The following SEPTIN6 variants were observed in gnomAD, a reference collection of about 807,000 sequenced individuals.
SEPTIN6 encodes septin-6.
SEPTIN6 carries 8 observed loss-of-function variants against 33.6 expected under a neutral mutation model. The ratio of observed to expected loss-of-function variants is 0.24; its 90% CI spans 0.14 to 0.43. The LOEUF (loss-of-function observed/expected upper bound fraction) is 0.43. Ranked by LOEUF, SEPTIN6 falls within the 20% of genes least tolerant of loss-of-function variation. The pLI is 1.00. For missense variants in SEPTIN6, 250 were observed against 340.8 expected (o/e 0.73, Z 2.10); for synonymous variants, 131 against 140.0 (o/e 0.94, Z 0.45).
Position 119,689,448 on chromosome X carries a change from T to C in SEPTIN6, c.30+3628A>G, listed in dbSNP as rs776480935. On this transcript the variant is annotated intron_variant, in intron 1 of 10. Transcript: ENST00000394610. ...ATTATTTCACAGTGTCCACAATTTG[T>C]CATTCCAACTAGACTATAAGCTTAA... Among the ~76,000 whole-genome samples, 4 of 112,342 alleles carry C rather than the reference T, an allele frequency of 3.6e-5. No individual in the cohort carries two copies. The East Asian group carries it at 1.1e-3, about 31-fold the overall frequency.
chrX:119,643,397 G>GA (rs369455842), intron 5 of SEPTIN6, among the ~76,000 whole-genome samples: 3,982 of 104,431 alleles, frequency 0.038, 55 homozygotes, highest in South Asian at 0.058. Context: ...TGAGCTCGAG[G>GA]AAAAAAAAAA....
rs28620630 is a variant in SEPTIN6, at chrX:119,630,957, G to A, written c.1090-1449C>T. Among the ~76,000 whole-genome samples, 6 of 110,159 alleles carry A rather than the reference G, an allele frequency of 5.4e-5. No homozygotes were observed. The South Asian group carries it at 2.3e-3, about 42-fold the overall frequency. On this transcript the variant is annotated intron_variant, in intron 8 of 10. Coordinates refer to ENST00000394610, the MANE Select transcript of SEPTIN6 (RefSeq NM_145799.4). ...AGTGGATCAGAGAACAAGAGGCACA[G>A]ACAGTCACAAACTAGAATGCAATAA...
At chrX:119,670,468 T>C (rs764674278) in intron 2 of SEPTIN6, among the ~76,000 whole-genome samples, 1 of 102,862 alleles carries the variant, frequency 9.7e-6, no homozygotes, top group Non-Finnish European at 1.9e-5. Context: ...GGCTGAAGCA[T>C]GAGAATCACT....
intron 2 of SEPTIN6, among the ~76,000 whole-genome samples, chrX:119,664,539 C>T (rs987773994): frequency 9.1e-6 from 1 of 110,232 alleles, no homozygotes; most frequent in Non-Finnish European, 1.9e-5. Context: ...TAAAAAATGA[C>T]AGCAGTGGCC....
In SEPTIN6 at chrX:119,620,017, T is replaced by C; in HGVS notation, c.*76A>G. The C allele has an allele frequency of 8.3e-7, 1 of 1,207,737 alleles. No homozygotes were observed. The highest frequency in any genetic ancestry group is 1.1e-6 in the Non-Finnish European group (1 of 894,249). On this transcript the variant is annotated 3_prime_UTR_variant, in exon 11 of 11. Transcript: ENST00000394610. ...TTAGAGAAAGGGAGGCCCAGCTCTG[T>C]TGCGCAGGAAAAGGGTGTCTACAGG...
chrX:119,681,480 C>T (rs145873946), intron 1 of SEPTIN6, among the ~76,000 whole-genome samples: 1 of 110,916 alleles, frequency 9.0e-6, no homozygotes, highest in Non-Finnish European at 1.9e-5. Flanking sequence ...AATTGCACTT[C>T]TCTCATAACC....
At chrX:119,629,553 A>T (rs1428355640) in intron 8 of SEPTIN6, 45 bp from the exon 9 acceptor site, 1 of 1,163,699 alleles carries the variant, frequency 8.6e-7, no homozygotes, top group East Asian at 3.0e-5. Flanking sequence ...CCCTGTGAGC[A>T]GTCCCCAGCC....
At chrX:119,674,790 T>C (rs1363286459) in intron 2 of SEPTIN6, among the ~76,000 whole-genome samples, 1 of 112,275 alleles carries the variant, frequency 8.9e-6, no homozygotes, top group Non-Finnish European at 1.9e-5. Flanking sequence ...AAGTGAAAAG[T>C]ATAATGAATG....
intron 1 of SEPTIN6, among the ~76,000 whole-genome samples, chrX:119,676,097 G>A (rs1452433912): frequency 8.9e-6 from 1 of 111,882 alleles, no homozygotes; most frequent in Non-Finnish European, 1.9e-5. Context: ...GGGAGCCTCA[G>A]AAACGCTAAT....
intron 6 of SEPTIN6, among the ~76,000 whole-genome samples, chrX:119,638,413 T>C (rs1017055973): frequency 2.7e-5 from 3 of 111,682 alleles, no homozygotes; most frequent in Admixed American, 9.5e-5. Flanking sequence ...TTTGTCAAGG[T>C]GGCTACAGGT....
At chrX:119,684,482 G>GTTTTTTT (rs1199777223) in intron 1 of SEPTIN6, among the ~76,000 whole-genome samples, 2 of 79,450 alleles carry the variant, frequency 2.5e-5, no homozygotes, top group Non-Finnish European at 4.8e-5. Flanking sequence ...GTTCCCAGAG[G>GTTTTTTT]TTTTTTTTTT....
At chrX:119,654,865 G>A (rs1182505867) in intron 3 of SEPTIN6, among the ~76,000 whole-genome samples, 2 of 111,106 alleles carry the variant, frequency 1.8e-5, no homozygotes, top group Non-Finnish European at 3.8e-5. Context: ...AAGGGTAATC[G>A]CATCAAAGAA....
intron 2 of SEPTIN6, among the ~76,000 whole-genome samples, chrX:119,664,657 G>C (rs948289090): frequency 9.2e-6 from 1 of 108,122 alleles, no homozygotes; most frequent in Admixed American, 1.0e-4. Flanking sequence ...GTGAAACCCT[G>C]TCTCTACCAA....
chrX:119,677,989 T>C (rs2054870575), intron 1 of SEPTIN6, among the ~76,000 whole-genome samples: 2 of 112,484 alleles, frequency 1.8e-5, no homozygotes, highest in African/African-American at 6.5e-5. Context: ...TCGCAGCACT[T>C]GGGGAGGCCG....
At chrX:119,692,875 C>T (rs867078667) in intron 1 of SEPTIN6, among the ~76,000 whole-genome samples, 122 of 112,716 alleles carry the variant, frequency 1.1e-3, no homozygotes, top group African/African-American at 3.4e-3. Context: ...CCCTGCCGCC[C>T]CCCGCCCCCC....
At chrX:119,628,413 G>T (rs1470093727) in intron 9 of SEPTIN6, among the ~76,000 whole-genome samples, 1 of 110,920 alleles carries the variant, frequency 9.0e-6, no homozygotes, top group Admixed American at 9.5e-5. Context: ...TGAGTAGCTG[G>T]GATTATAAGC....
Position 119,652,969 on chromosome X carries a change from C to T in SEPTIN6, c.413G>A (p.Arg138Lys), listed in dbSNP as rs1569430827. ...AYLQEELKIR[R>K]VLHTYHDSRI... Reference sequence around the variant, plus strand: ...GGAGTCATGGTAGGTGTGTAGCACTCTTCGGATCTTTAGCTCTTCCTGCAG... The same window carrying T: ...GGAGTCATGGTAGGTGTGTAGCACTTTTCGGATCTTTAGCTCTTCCTGCAG... The change falls in exon 4 of 11, where the codon AGA becomes AAA. Residue 138 changes from arginine (R) to lysine (K), a missense_variant. Arg to Lys is a conservative substitution (Grantham distance 26). This residue lies in a region of SEPTIN6 where 111 missense variants were observed against 113.8 expected (regional missense o/e 0.98). Transcript: ENST00000394610. The T allele has an allele frequency of 8.3e-7, 1 of 1,209,878 alleles. No homozygotes were observed. Among genetic ancestry groups the T allele is most frequent in the South Asian group, 1.8e-5 (1 of 56,893 alleles).
intron 10 of SEPTIN6, among the ~76,000 whole-genome samples, chrX:119,620,540 C>T (rs7057953): frequency 0.032 from 3,485 of 109,799 alleles, 135 homozygotes; most frequent in African/African-American, 0.11. Flanking sequence ...AGGATGGTCT[C>T]GATCTCCTGA....
chrX:119,684,504 T>TTTC (rs2055020370), intron 1 of SEPTIN6, among the ~76,000 whole-genome samples: 1 of 98,019 alleles, frequency 1.0e-5, no homozygotes, highest in Admixed American at 1.1e-4. Flanking sequence ...TTTTTTTTTT[T>TTTC]CTGAGATGGA....
Sources: gnomAD v4.1 joint callset for allele counts (sites outside exome capture counted in the v4.1 genomes callset) on GRCh38, gnomAD v4.1.1 for gene constraint, gnomAD v4.1.1 regional missense constraint, MANE v1.5 for transcripts, NCBI Gene and HGNC (gene_info 2026-07-23, HGNC 2026-07-21) for gene names.